Variants in YEATS2 observed in about 807,000 individuals in gnomAD.
YEATS2 encodes YEATS domain containing 2.
YEATS2 carries 77 observed loss-of-function variants against 163.2 expected under a neutral mutation model. That is an observed-to-expected ratio of 0.47 (90% confidence interval 0.39 to 0.57). The LOEUF (loss-of-function observed/expected upper bound fraction) is 0.57, where lower values mean the gene tolerates loss of function less well. YEATS2 is among the 20% of genes least tolerant of loss of function. The pLI, the probability that YEATS2 is intolerant of heterozygous loss-of-function variation, is 0.00. For missense variants in YEATS2, 1,549 were observed against 1,729.8 expected (o/e 0.90, Z 1.85); for synonymous variants, 631 against 645.1 (o/e 0.98, Z 0.33).
intron 1 of YEATS2, among the ~76,000 whole-genome samples, chr3:183,703,115 C>T (rs573524041): frequency 5.9e-5 from 9 of 152,256 alleles, no homozygotes; most frequent in African/African-American, 1.9e-4. Context: ...TTTTTGAGCT[C>T]AGCTGTCTTT....
intron 1 of YEATS2, among the ~76,000 whole-genome samples, chr3:183,710,473 C>T (rs1715085243): frequency 2.6e-5 from 4 of 152,146 alleles, no homozygotes; most frequent in African/African-American, 7.2e-5. Flanking sequence ...TTTTTAAATG[C>T]CCAGTATAGA....
Position 183,798,917 on chromosome 3 carries a change from C to G in YEATS2, c.3253C>G (p.Pro1085Ala), listed in dbSNP as rs763802206. ...KVVQSFSTSK[P>A]PAILPVAAPT... ...GGTTCAGTCATTTTCTACCAGCAAG[C>G]CACCTGCCATTCTGCCTGTAGCTGC... Residue 1085 changes from proline to alanine, a missense_variant, in exon 23 of 31, where the codon CCA becomes GCA. Coordinates refer to ENST00000305135, the MANE Select transcript of YEATS2 (RefSeq NM_018023.5). 43 of 1,613,940 alleles carry G rather than the reference C, an allele frequency of 2.7e-5. No individual in the cohort carries two copies. The highest frequency in any genetic ancestry group is 5.0e-5 in the Admixed American group (3 of 59,998).
At chr3:183,741,568 G>GGCCAGGA (rs1718967043) in intron 8 of YEATS2, among the ~76,000 whole-genome samples, 1 of 151,892 alleles carries the variant, frequency 6.6e-6, no homozygotes, top group Admixed American at 6.6e-5. Flanking sequence ...GATCACTTGA[G>GGCCAGGA]GCCAGGAGTT....
intron 30 of YEATS2, 87 bp downstream of exon 30, chr3:183,809,257 T>C (rs1726549397): frequency 8.2e-6 from 11 of 1,337,476 alleles, no homozygotes; most frequent in Non-Finnish European, 1.2e-5. Context: ...TATACTTACA[T>C]CAATCCAGTA....
intron 2 of YEATS2, among the ~76,000 whole-genome samples, chr3:183,717,402 A>G (rs1716009293): frequency 6.6e-6 from 1 of 152,220 alleles, no homozygotes; most frequent in East Asian, 1.9e-4. Flanking sequence ...CCTTGTGAGT[A>G]GATTCAGCAT....
intron 1 of YEATS2, among the ~76,000 whole-genome samples, chr3:183,707,289 TG>T (rs1714712930): frequency 6.6e-6 from 1 of 152,230 alleles, no homozygotes; most frequent in Non-Finnish European, 1.5e-5. Context: ...TAGATTAATT[TG>T]TCTCTTCTAG....
Position 183,772,390 on chromosome 3 carries a change from A to G in YEATS2, c.2033A>G (p.Lys678Arg). The G allele has an allele frequency of 6.2e-7, 1 of 1,614,222 alleles. No individual in the cohort carries two copies. Among genetic ancestry groups the G allele is most frequent in the Admixed American group, 1.7e-5 (1 of 60,024 alleles). The part of the protein sequence containing the change: ...AISGGQILVA[K>R]ASSSVSKAVG... Reference sequence around the variant, plus strand: ...AGTGGTGGCCAGATCCTGGTAGCCAAGGCCAGCTCTTCTGTCTCCAAAGCA... The same window carrying G: ...AGTGGTGGCCAGATCCTGGTAGCCAGGGCCAGCTCTTCTGTCTCCAAAGCA... The change falls in exon 16 of 31, where the codon AAG becomes AGG. Residue 678 changes from lysine (K) to arginine (R), a missense_variant. Lys to Arg is a conservative substitution (Grantham distance 26). Coordinates refer to ENST00000305135, the MANE Select transcript of YEATS2 (RefSeq NM_018023.5).
Position 183,752,114 on chromosome 3 carries a change from C to T in YEATS2, c.1011C>T (p.Asp337=). ...TCCATCGCCATTCTCTCGGAGAAGA[C>T]TGTATCTATCCTCAGTCCTCGGAGT... ...VELHRHSLGE[D]CIYPQSSESD... Residue 337 remains aspartate, a synonymous_variant, in exon 10 of 31, where the codon GAC becomes GAT. Transcript: ENST00000305135. 1 of 1,614,140 alleles carries T rather than the reference C, an allele frequency of 6.2e-7. No homozygotes were observed. The highest frequency in any genetic ancestry group is 2.2e-5 in the East Asian group (1 of 44,876).
chr3:183,737,860 T>G (rs945245462), intron 8 of YEATS2, among the ~76,000 whole-genome samples: 2 of 152,188 alleles, frequency 1.3e-5, no homozygotes, highest in African/African-American at 4.8e-5. Context: ...TCTCAGTAGA[T>G]ACTTGATTTT....
At position 183,779,049 on chromosome 3, in the gene YEATS2, T is replaced by G. The variant is rs1250463963; in HGVS notation, c.2736+1349T>G. Among the ~76,000 whole-genome samples, 3 of 152,224 alleles carry G rather than the reference T, an allele frequency of 2.0e-5. No homozygotes were observed. The East Asian group carries it at 5.8e-4, about 29-fold the overall frequency. On this transcript the variant is annotated intron_variant, in intron 19 of 30. Transcript: ENST00000305135. ...CCTCATCCTCACGAGTAGCTGCGAT[T>G]ACAGGAGTCCACCACCACGCCCAGC...
intron 4 of YEATS2, among the ~76,000 whole-genome samples, chr3:183,719,523 C>T (rs1417962048): frequency 6.6e-6 from 1 of 152,222 alleles, no homozygotes; most frequent in Non-Finnish European, 1.5e-5. Flanking sequence ...CCTCATTGAA[C>T]TGGCCCTAGT....
At chr3:183,724,295 A>G in intron 5 of YEATS2, 124 bp from the exon 6 acceptor site, 1 of 688,594 alleles carries the variant, frequency 1.5e-6, no homozygotes. Flanking sequence ...CTACAAAGCC[A>G]GAAAATTTTG....
intron 1 of YEATS2, among the ~76,000 whole-genome samples, chr3:183,706,177 G>A (rs1478616570): frequency 3.9e-5 from 6 of 152,078 alleles, no homozygotes; most frequent in African/African-American, 1.4e-4. Context: ...GGAGATTTCA[G>A]CTGGAATCTG....
chr3:183,757,072 T>TA (rs917470099), intron 12 of YEATS2, among the ~76,000 whole-genome samples: 1 of 152,168 alleles, frequency 6.6e-6, no homozygotes, highest in African/African-American at 2.4e-5. Flanking sequence ...CCCAGTCAAA[T>TA]AAAAAATGAT....
At chr3:183,711,286 C>CGG (rs1715179076) in intron 1 of YEATS2, among the ~76,000 whole-genome samples, 1 of 151,670 alleles carries the variant, frequency 6.6e-6, no homozygotes, top group Non-Finnish European at 1.5e-5. Flanking sequence ...CTGGCTAACA[C>CGG]AGTAAAACCC....
At chr3:183,799,165 G>A (rs933604280) in intron 23 of YEATS2, among the ~76,000 whole-genome samples, 176 bp downstream of exon 23, 2 of 152,208 alleles carry the variant, frequency 1.3e-5, no homozygotes, top group Non-Finnish European at 2.9e-5. Context: ...TGCTCATATG[G>A]TAGACTTAAC....
intron 27 of YEATS2, among the ~76,000 whole-genome samples, chr3:183,805,681 C>T (rs1440559952): frequency 1.3e-5 from 2 of 151,530 alleles, no homozygotes; most frequent in African/African-American, 2.4e-5. Flanking sequence ...CCCACCTATT[C>T]GGGAAGCTGA....
intron 5 of YEATS2, 137 bp from the exon 6 acceptor site, chr3:183,724,282 G>A (rs1716834335): frequency 1.6e-6 from 1 of 614,798 alleles, no homozygotes; most frequent in Admixed American, 3.2e-5. Context: ...GCTTTGAGAG[G>A]TGCTACAAAG....
rs1485006117 is a variant in YEATS2, at chr3:183,811,428, G to A, written c.*845G>A. The A allele has an allele frequency of 6.5e-6, 1 of 152,824 alleles. No individual in the cohort carries two copies. The highest frequency in any genetic ancestry group is 1.5e-5 in the Non-Finnish European group (1 of 68,212). The allele number at this position is 152,824 out of a possible 1,614,324, so 9.5% of individuals were successfully genotyped here. ...GCTTCTGCTGCTGACCCCATGCTGA[G>A]TGGCCAGTGGGGAGCGGCGCCCGGC... On this transcript the variant is annotated 3_prime_UTR_variant, in exon 31 of 31. Transcript: ENST00000305135.
Sources: allele counts gnomAD v4.1 joint callset (sites outside exome capture counted in the v4.1 genomes callset), GRCh38; gene constraint gnomAD v4.1.1; transcripts MANE v1.5; gene names NCBI Gene and HGNC (gene_info 2026-07-23, HGNC 2026-07-21).